The following DCLK1 variants were observed in gnomAD, a reference collection of about 807,000 sequenced individuals.
The protein encoded by DCLK1 is serine/threonine-protein kinase DCLK1.
A neutral mutation model predicts 86.2 loss-of-function variants in DCLK1; 16 were observed. That is an observed-to-expected ratio of 0.19 (90% CI 0.13 to 0.28). The LOEUF (loss-of-function observed/expected upper bound fraction) is 0.28. Ranked by LOEUF, DCLK1 falls within the 10% of genes least tolerant of loss-of-function variation. The probability of loss-of-function intolerance (pLI) is 1.00; values close to 1 mark genes in which losing one functional copy is unlikely to be tolerated. For synonymous variants in DCLK1, 369 were observed against 370.5 expected (o/e 1.00, Z 0.05); for missense variants, 590 against 940.2 (o/e 0.63, Z 4.87).
intron 4 of DCLK1, among the ~76,000 whole-genome samples, chr13:35,936,419 G>A (rs1466335413): frequency 1.3e-5 from 2 of 152,176 alleles, no homozygotes; most frequent in Non-Finnish European, 2.9e-5. Flanking sequence ...GATATAAACA[G>A]TTCTAGACCT....
chr13:36,065,207 C>A (rs1330132587), intron 3 of DCLK1, among the ~76,000 whole-genome samples: 2 of 152,180 alleles, frequency 1.3e-5, no homozygotes, highest in East Asian at 3.9e-4. Flanking sequence ...AATTACTTAA[C>A]CTCTGAGTGC....
intron 3 of DCLK1, among the ~76,000 whole-genome samples, chr13:35,968,391 G>A (rs1878888654): frequency 1.3e-5 from 2 of 152,180 alleles, no homozygotes; most frequent in Admixed American, 6.5e-5. Context: ...TGACCAGTGA[G>A]GGTCACCTGT....
At chr13:36,077,511 C>A (rs1489225953) in intron 3 of DCLK1, among the ~76,000 whole-genome samples, 1 of 152,140 alleles carries the variant, frequency 6.6e-6, no homozygotes, top group East Asian at 1.9e-4. Flanking sequence ...GATGAATAGA[C>A]AGTCCTTGTT....
chr13:35,788,951 CAA>C (rs1356012618), intron 16 of DCLK1, among the ~76,000 whole-genome samples: 1 of 151,856 alleles, frequency 6.6e-6, no homozygotes, highest in African/African-American at 2.4e-5. Context: ...TGAAATAAAA[CAA>C]AAAATAGTTT....
intron 3 of DCLK1, among the ~76,000 whole-genome samples, chr13:36,086,979 T>G (rs1291023613): frequency 6.6e-6 from 1 of 152,226 alleles, no homozygotes; most frequent in Admixed American, 6.5e-5. Flanking sequence ...CCTTTGGGTA[T>G]ACACCCAGTA....
At chr13:35,949,341 A>G (rs1324489115) in intron 3 of DCLK1, among the ~76,000 whole-genome samples, 1 of 152,198 alleles carries the variant, frequency 6.6e-6, no homozygotes, top group Non-Finnish European at 1.5e-5. Flanking sequence ...CTCACACAGC[A>G]TCATGCAGAC....
chr13:36,006,455 T>C lies in DCLK1; in HGVS notation c.724-58998A>G, dbSNP rs575404275. On this transcript the variant is annotated intron_variant, in intron 3 of 16. Coordinates refer to ENST00000360631, the MANE Select transcript of DCLK1 (RefSeq NM_001330071.2). ...AAACCTGATACACTGTACCATGACA[T>C]TGCCAAATTTGTATGTATGTTTACA... is the stretch of plus-strand genomic sequence containing the variant. Among the ~76,000 whole-genome samples the C allele has an allele frequency of 3.3e-5, 5 of 152,360 alleles. No individual in the cohort carries two copies. The South Asian group carries it at 1.0e-3, about 32-fold the overall frequency.
intron 3 of DCLK1, among the ~76,000 whole-genome samples, chr13:36,036,430 T>C (rs528921308): frequency 6.6e-6 from 1 of 152,208 alleles, no homozygotes; most frequent in African/African-American, 2.4e-5. Flanking sequence ...AAGCCCCAGT[T>C]TGGGGGCTTG....
chr13:36,053,257 A>G (rs1402039930), intron 3 of DCLK1, among the ~76,000 whole-genome samples: 1 of 152,172 alleles, frequency 6.6e-6, no homozygotes, highest in African/African-American at 2.4e-5. Context: ...GAATAAGAGA[A>G]CAAATCTGCC....
chr13:36,089,349 G>A (rs1884734499), intron 3 of DCLK1, among the ~76,000 whole-genome samples: 1 of 152,180 alleles, frequency 6.6e-6, no homozygotes, highest in Non-Finnish European at 1.5e-5. Flanking sequence ...TGGCCTGCTA[G>A]GCCTGAACAG....
intron 3 of DCLK1, among the ~76,000 whole-genome samples, chr13:36,057,014 C>A (rs896654665): frequency 4.6e-5 from 7 of 151,056 alleles, no homozygotes; most frequent in Non-Finnish European, 1.0e-4. Context: ...TGTTTTAAAA[C>A]TACCACCAAG....
intron 3 of DCLK1, among the ~76,000 whole-genome samples, chr13:35,998,513 A>G (rs916278416): frequency 6.6e-6 from 1 of 151,948 alleles, no homozygotes; most frequent in Non-Finnish European, 1.5e-5. Flanking sequence ...TTCCCCTCCA[A>G]TTAAGCCACT....
At chr13:35,830,369 C>T (rs1426820159) in intron 8 of DCLK1, among the ~76,000 whole-genome samples, 8 of 151,914 alleles carry the variant, frequency 5.3e-5, no homozygotes, top group African/African-American at 9.7e-5. Context: ...CCAGCCTGGG[C>T]GACAGAGAAA....
chr13:35,864,356 G>A lies in DCLK1; in HGVS notation c.940+6868C>T, dbSNP rs1306511377. On this transcript the variant is annotated intron_variant, in intron 5 of 16. Transcript: ENST00000360631. ...CGAGGCGGGCGGATCACGAGGTCAG[G>A]AGATCGAGACCATCCCGGCTAAAAC... Among the ~76,000 whole-genome samples, 2 of 89,732 alleles carry A rather than the reference G, an allele frequency of 2.2e-5. 1 individual carries two copies. Among genetic ancestry groups the A allele is most frequent in the Non-Finnish European group, 4.7e-5 (2 of 42,136 alleles). The allele number at this position is 89,732 out of a possible 152,430, so 58.9% of individuals were successfully genotyped here.
At chr13:35,903,765 C>T (rs916329761) in intron 4 of DCLK1, among the ~76,000 whole-genome samples, 7 of 152,040 alleles carry the variant, frequency 4.6e-5, no homozygotes, top group African/African-American at 1.4e-4. Context: ...TGCTTTACAA[C>T]AAACTACTAA....
At chr13:35,835,693 T>C (rs1869316064) in intron 8 of DCLK1, among the ~76,000 whole-genome samples, 1 of 152,214 alleles carries the variant, frequency 6.6e-6, no homozygotes, top group Non-Finnish European at 1.5e-5. Context: ...TCACAAGAAC[T>C]TTCTGACCTC....
At chr13:36,108,020 T>C (rs1402806470) in intron 3 of DCLK1, among the ~76,000 whole-genome samples, 2 of 151,948 alleles carry the variant, frequency 1.3e-5, no homozygotes, top group Non-Finnish European at 2.9e-5. Context: ...TTTTAACTGT[T>C]AGCTAGAAAA....
chr13:36,034,290 A>C (rs932531120), intron 3 of DCLK1, among the ~76,000 whole-genome samples: 3 of 152,258 alleles, frequency 2.0e-5, no homozygotes, highest in Non-Finnish European at 4.4e-5. Context: ...AATCAATAGA[A>C]ATTAAATTAG....
intron 3 of DCLK1, among the ~76,000 whole-genome samples, chr13:36,053,298 C>T (rs1423664183): frequency 6.6e-6 from 1 of 152,034 alleles, no homozygotes; most frequent in South Asian, 2.1e-4. Context: ...GCGAGCGGGG[C>T]AGGTATGTAC....
Sources: gnomAD v4.1 joint callset for allele counts (sites outside exome capture counted in the v4.1 genomes callset) on GRCh38, gnomAD v4.1.1 for gene constraint, MANE v1.5 for transcripts, NCBI Gene and HGNC (gene_info 2026-07-23, HGNC 2026-07-21) for gene names.